The following ADAMTS17 variants were observed in gnomAD, a reference collection of about 807,000 sequenced individuals.
The protein encoded by ADAMTS17 is A disintegrin and metalloproteinase with thrombospondin motifs 17.
ADAMTS17 carries 113 observed loss-of-function variants against 141.5 expected under a neutral mutation model. The ratio of observed to expected loss-of-function variants is 0.80; its 90% CI spans 0.69 to 0.93. The LOEUF is 0.93. Ranked by LOEUF, ADAMTS17 falls within the 40% of genes least tolerant of loss-of-function variation. The probability of loss-of-function intolerance (pLI) is 0.00; values close to 1 mark genes in which losing one functional copy is unlikely to be tolerated. For missense variants in ADAMTS17, 1,659 were observed against 1,517.9 expected (o/e 1.09, Z -1.54); for synonymous variants, 768 against 630.6 (o/e 1.22, Z -3.27).
chr15:100,105,362 G>C (rs2036350994), intron 14 of ADAMTS17, among the ~76,000 whole-genome samples: 1 of 152,304 alleles, frequency 6.6e-6, no homozygotes, highest in Admixed American at 6.5e-5. Flanking sequence ...TTAATGTGAG[G>C]TGCAGTGCAG....
intron 4 of ADAMTS17, among the ~76,000 whole-genome samples, chr15:100,271,519 G>A (rs2043909852): frequency 6.6e-6 from 1 of 151,350 alleles, no homozygotes; most frequent in South Asian, 2.1e-4. Context: ...TGTACTTATT[G>A]GCTATTTGTA....
chr15:100,032,207 C>A (rs550215531), intron 18 of ADAMTS17, among the ~76,000 whole-genome samples: 1 of 152,242 alleles, frequency 6.6e-6, no homozygotes. Context: ...TGGGGTCTGA[C>A]TGAGAGTCCC....
At chr15:100,119,385 ACT>A (rs2037335246) in intron 12 of ADAMTS17, among the ~76,000 whole-genome samples, 2 of 152,326 alleles carry the variant, frequency 1.3e-5, no homozygotes, top group South Asian at 4.1e-4. Flanking sequence ...CAAAACACGG[ACT>A]GGAAGGGAGT....
chr15:100,065,105 G>C (rs970947049), intron 15 of ADAMTS17, among the ~76,000 whole-genome samples: 1 of 152,078 alleles, frequency 6.6e-6, no homozygotes, highest in Non-Finnish European at 1.5e-5. Flanking sequence ...AATAAAAATA[G>C]TATACAAAAG....
chr15:100,064,438 G>A (rs1354191911), intron 15 of ADAMTS17, among the ~76,000 whole-genome samples: 2 of 152,164 alleles, frequency 1.3e-5, no homozygotes, highest in African/African-American at 4.8e-5. Flanking sequence ...TGCGAGAATG[G>A]CACCTCCCTG....
chr15:99,976,207 C>T lies in ADAMTS17; in HGVS notation c.2965G>A (p.Gly989Arg), dbSNP rs550242741. ...ACCACCCGGGACTGCAGGCCCTTCC[C>T]GCAGGTCGACGAGCACTGCAGAGAC... ...GDWSTCSSTC[G>R]KGLQSRVVQC... The change falls in exon 21 of 22, where the codon GGG becomes AGG. Residue 989 changes from glycine to arginine, a missense_variant. Gly to Arg is a moderately radical substitution (Grantham distance 125). Coordinates refer to ENST00000268070, the MANE Select transcript of ADAMTS17 (RefSeq NM_139057.4). The T allele has an allele frequency of 5.3e-5, 82 of 1,546,776 alleles. No individual in the cohort carries two copies. Among genetic ancestry groups the T allele is most frequent in the Middle Eastern group, 1.7e-4 (1 of 5,992 alleles).
In ADAMTS17 at chr15:100,292,217, C is replaced by T. The variant is rs561082905; in HGVS notation, c.617-10816G>A. Among the ~76,000 whole-genome samples, 3 of 150,750 alleles carry T rather than the reference C, an allele frequency of 2.0e-5. No individual in the cohort carries two copies. In the East Asian group the frequency reaches 5.8e-4, roughly 29 times the overall value. On this transcript the variant is annotated intron_variant, in intron 3 of 21. Coordinates refer to ENST00000268070, the MANE Select transcript of ADAMTS17 (RefSeq NM_139057.4). The stretch of plus-strand genomic sequence containing the variant: ...GGGGAATCACGAGACACGCTCACCC[C>T]GTGGGGAATCACGAGAGACGCTCAC...
chr15:100,216,299 T>C (rs1381574173), intron 7 of ADAMTS17, among the ~76,000 whole-genome samples: 1 of 152,234 alleles, frequency 6.6e-6, no homozygotes, highest in Non-Finnish European at 1.5e-5. Context: ...TAACAGAAAG[T>C]ATTTCTCAAG....
intron 8 of ADAMTS17, among the ~76,000 whole-genome samples, chr15:100,194,879 G>A (rs2041051853): frequency 6.6e-6 from 1 of 152,196 alleles, no homozygotes; most frequent in African/African-American, 2.4e-5. Context: ...GATGCCTGTT[G>A]TAGCCATCTT....
chr15:100,073,879 C>T (rs1449838096), intron 15 of ADAMTS17, among the ~76,000 whole-genome samples: 4 of 150,548 alleles, frequency 2.7e-5, no homozygotes, highest in East Asian at 3.9e-4. Flanking sequence ...CAAACCTGCA[C>T]GTTGTGCACA....
At chr15:100,110,970 T>C (rs2036740270) in intron 13 of ADAMTS17, among the ~76,000 whole-genome samples, 1 of 152,150 alleles carries the variant, frequency 6.6e-6, no homozygotes, top group African/African-American at 2.4e-5. Context: ...CTCACCAGGC[T>C]CCACAGGAAA....
chr15:100,168,417 A>C (rs1261814637), intron 8 of ADAMTS17: 1 of 152,234 alleles, frequency 6.6e-6, no homozygotes, highest in African/African-American at 2.4e-5. Context: ...TTGTTGAAGG[A>C]AACAGGGCGA....
At chr15:100,081,244 A>C (rs2034714230) in intron 15 of ADAMTS17, among the ~76,000 whole-genome samples, 1 of 152,154 alleles carries the variant, frequency 6.6e-6, no homozygotes, top group Non-Finnish European at 1.5e-5. Context: ...ATCAGACCCC[A>C]AGTTCTTCAG....
At chr15:100,323,472 G>C (rs926701330) in intron 3 of ADAMTS17, among the ~76,000 whole-genome samples, 1 of 152,170 alleles carries the variant, frequency 6.6e-6, no homozygotes, top group Admixed American at 6.5e-5. Flanking sequence ...ATGAAAATTT[G>C]TATGCCCCTA....
At chr15:100,067,207 C>T (rs1316302184) in intron 15 of ADAMTS17, among the ~76,000 whole-genome samples, 1 of 151,820 alleles carries the variant, frequency 6.6e-6, no homozygotes, top group Non-Finnish European at 1.5e-5. Flanking sequence ...ACTGTCTTCC[C>T]TTATGATATT....
At chr15:100,155,703 G>T (rs1269520361) in intron 8 of ADAMTS17, among the ~76,000 whole-genome samples, 2 of 152,198 alleles carry the variant, frequency 1.3e-5, no homozygotes, top group African/African-American at 4.8e-5. Context: ...GTTCCTTAGA[G>T]ATAATCACTG....
chr15:100,232,853 C>T (rs2042530140), intron 7 of ADAMTS17, among the ~76,000 whole-genome samples: 2 of 152,198 alleles, frequency 1.3e-5, no homozygotes, highest in Non-Finnish European at 2.9e-5. Flanking sequence ...AGATCGATTC[C>T]ACTGCAGCAG....
chr15:100,238,827 G>GTT (rs948662027), intron 7 of ADAMTS17, among the ~76,000 whole-genome samples: 1 of 152,208 alleles, frequency 6.6e-6, no homozygotes, highest in Non-Finnish European at 1.5e-5. Flanking sequence ...GCTCACACCT[G>GTT]TAATTCCAGC....
chr15:99,989,928 G>T (rs954133969), intron 20 of ADAMTS17, among the ~76,000 whole-genome samples: 1 of 152,192 alleles, frequency 6.6e-6, no homozygotes, highest in African/African-American at 2.4e-5. Context: ...AACAGGCAGG[G>T]TCAGTGTTTA....
Sources: allele counts gnomAD v4.1 joint callset (sites outside exome capture counted in the v4.1 genomes callset), GRCh38; gene constraint gnomAD v4.1.1; transcripts MANE v1.5; gene names NCBI Gene and HGNC (gene_info 2026-07-23, HGNC 2026-07-21).